The following IGSF11 variants were observed in gnomAD, a reference collection of about 807,000 sequenced individuals.
IGSF11 encodes the protein CXADR like 1.
A neutral mutation model predicts 41.0 loss-of-function variants in IGSF11; 22 were observed. The ratio of observed to expected loss-of-function variants is 0.54; its 90% CI spans 0.38 to 0.77. The LOEUF (loss-of-function observed/expected upper bound fraction) is 0.77, where lower values mean the gene tolerates loss of function less well. Among genes scored for constraint, IGSF11 ranks in the 30% least tolerant of loss-of-function variants. IGSF11 has a pLI of 0.00. For synonymous variants in IGSF11, 219 were observed against 201.3 expected, an observed-to-expected ratio of 1.09 and a Z score of -0.74; for missense variants, 444 against 530.8, an observed-to-expected ratio of 0.84 and a Z score of 1.61.
upstream of IGSF11, among the ~76,000 whole-genome samples, chr3:119,109,705 C>A (rs1342240199): frequency 1.3e-5 from 2 of 152,018 alleles, no homozygotes; most frequent in Non-Finnish European, 2.9e-5. Context: ...TGGATCTTTC[C>A]TGCTTTCTCT....
chr3:118,910,264 C>A (rs746702285), intron 4 of IGSF11, among the ~76,000 whole-genome samples: 1 of 152,212 alleles, frequency 6.6e-6, no homozygotes, highest in East Asian at 1.9e-4. Flanking sequence ...AGACCACTAA[C>A]TCACTGCTTT....
chr3:118,981,299 A>G (rs1390833372), intron 1 of IGSF11, among the ~76,000 whole-genome samples: 1 of 152,104 alleles, frequency 6.6e-6, no homozygotes, highest in Non-Finnish European at 1.5e-5. Flanking sequence ...CCTCCCAAGT[A>G]GCTGGGACTA....
At chr3:119,003,381 G>C (rs1487892295) in intron 1 of IGSF11, among the ~76,000 whole-genome samples, 1 of 148,006 alleles carries the variant, frequency 6.8e-6, no homozygotes, top group South Asian at 2.2e-4. Context: ...GGGCTGAGAC[G>C]ATGGGGTTTT....
In IGSF11 at chr3:119,054,286, C is replaced by A. The variant is rs545639065; in HGVS notation, c.49+50858G>T. Reference sequence around the variant, plus strand: ...TATGCATCTTCACAAACTATGTATCCAACAAAGAACTAATATCTAGAATCT... The same window carrying A: ...TATGCATCTTCACAAACTATGTATCAAACAAAGAACTAATATCTAGAATCT... On this transcript the variant is annotated intron_variant, in intron 1 of 6. Transcript: ENST00000354673. Among the ~76,000 whole-genome samples, 7 of 151,918 alleles carry A rather than the reference C, an allele frequency of 4.6e-5. No homozygotes were observed. The South Asian group carries it at 1.5e-3, about 32-fold the overall frequency.
rs568989024 is a variant in IGSF11 at position 119,137,845 on chromosome 3, C to T, written c.-14+7968G>A. Among the ~76,000 whole-genome samples the T allele has an allele frequency of 6.6e-5, 10 of 152,154 alleles. No homozygotes were observed. In the East Asian group the frequency reaches 9.6e-4, roughly 15 times the overall value. Reference sequence around the variant, plus strand: ...ATTAATAACCAGAATATACGAGGCACGCAAACAACTCTATTGGAAAAAATC... The same window carrying T: ...ATTAATAACCAGAATATACGAGGCATGCAAACAACTCTATTGGAAAAAATC... On this transcript the variant is annotated intron_variant, in intron 1 of 7. Coordinates refer to the IGSF11 transcript ENST00000425327.
intron 1 of IGSF11, among the ~76,000 whole-genome samples, chr3:119,130,410 G>C (rs775886342): frequency 5.3e-5 from 8 of 152,236 alleles, no homozygotes; most frequent in Admixed American, 4.6e-4. Flanking sequence ...ATTCTCTCCT[G>C]TGCCTGGCTC....
intron 4 of IGSF11, among the ~76,000 whole-genome samples, chr3:118,923,824 T>G (rs143845523): frequency 6.6e-6 from 1 of 152,238 alleles, no homozygotes; most frequent in South Asian, 2.1e-4. Context: ...AGAAATGATG[T>G]GTCCTTCTCA....
intron 1 of IGSF11, among the ~76,000 whole-genome samples, chr3:119,091,135 C>T (rs2076754946): frequency 6.6e-6 from 1 of 152,084 alleles, no homozygotes; most frequent in African/African-American, 2.4e-5. Flanking sequence ...AGAGAAATGA[C>T]AATCAAAACC....
intron 1 of IGSF11, among the ~76,000 whole-genome samples, chr3:119,015,877 C>T (rs1224540481): frequency 1.3e-5 from 2 of 152,144 alleles, no homozygotes; most frequent in African/African-American, 2.4e-5. Context: ...TGCGGGTAGG[C>T]ATTACCTGTC....
At chr3:119,123,188 G>T (rs11916676) in intron 1 of IGSF11, among the ~76,000 whole-genome samples, 4 of 151,946 alleles carry the variant, frequency 2.6e-5, no homozygotes, top group African/African-American at 9.7e-5. Context: ...CACCTTACGT[G>T]AACACTGGTG....
chr3:118,963,137 ATC>A (rs1370338421), intron 1 of IGSF11, among the ~76,000 whole-genome samples: 1 of 152,200 alleles, frequency 6.6e-6, no homozygotes, highest in Non-Finnish European at 1.5e-5. Context: ...CATCAGGATT[ATC>A]TGTCATACCC....
At chr3:119,057,871 G>GAA (rs1941908812) in intron 1 of IGSF11, among the ~76,000 whole-genome samples, 1 of 152,188 alleles carries the variant, frequency 6.6e-6, no homozygotes, top group Non-Finnish European at 1.5e-5. Flanking sequence ...AAGCAATGGG[G>GAA]AAAGGATTCC....
chr3:118,917,020 G>T (rs202238696), intron 4 of IGSF11, among the ~76,000 whole-genome samples: 3 of 152,012 alleles, frequency 2.0e-5, no homozygotes, highest in African/African-American at 7.2e-5. Flanking sequence ...GGGTACATAA[G>T]GAAATGAAGG....
chr3:119,010,492 G>GA (rs1481316657), intron 1 of IGSF11, among the ~76,000 whole-genome samples: 1 of 152,212 alleles, frequency 6.6e-6, no homozygotes, highest in Non-Finnish European at 1.5e-5. Flanking sequence ...GCTGAGTAAA[G>GA]AAGATGGCTC....
chr3:119,072,381 A>G (rs1376338390), intron 1 of IGSF11, among the ~76,000 whole-genome samples: 1 of 152,186 alleles, frequency 6.6e-6, no homozygotes, highest in Non-Finnish European at 1.5e-5. Flanking sequence ...TGACTCCTTT[A>G]ATTGCTTGCC....
chr3:118,960,683 G>A (rs1945281954), intron 1 of IGSF11, among the ~76,000 whole-genome samples: 2 of 151,836 alleles, frequency 1.3e-5, no homozygotes, highest in Admixed American at 6.6e-5. Context: ...GAAGACTGTT[G>A]GTGTATATAT....
At chr3:119,142,306 T>C (rs990951771) in intron 1 of IGSF11, among the ~76,000 whole-genome samples, 2 of 148,142 alleles carry the variant, frequency 1.4e-5, no homozygotes, top group African/African-American at 2.5e-5. Context: ...AGTGTCTGCA[T>C]GTATTGGACA....
At chr3:118,963,472 T>C (rs1451767193) in intron 1 of IGSF11, among the ~76,000 whole-genome samples, 5 of 152,218 alleles carry the variant, frequency 3.3e-5, no homozygotes, top group African/African-American at 7.2e-5. Flanking sequence ...ATTTTGATCA[T>C]GTGATATCTT....
At chr3:118,942,186 C>G (rs922729162) in intron 1 of IGSF11, among the ~76,000 whole-genome samples, 2 of 152,114 alleles carry the variant, frequency 1.3e-5, no homozygotes, top group Non-Finnish European at 1.5e-5. Context: ...GGGAAGCTCA[C>G]AGAATCATGG....
Sources: gnomAD v4.1 joint callset for allele counts (sites outside exome capture counted in the v4.1 genomes callset) on GRCh38, gnomAD v4.1.1 for gene constraint, MANE v1.5 for transcripts, NCBI Gene and HGNC (gene_info 2026-07-23, HGNC 2026-07-21) for gene names.